EXTL3: variants seen among roughly 807,000 people sequenced by gnomAD.
EXTL3 encodes exostosin like glycosyltransferase 3, also known as exostosin-like 3.
EXTL3 carries 27 observed loss-of-function variants against 69.3 expected under a neutral mutation model. The observed-to-expected ratio is 0.39, with a 90% CI of 0.29 to 0.54. The LOEUF (loss-of-function observed/expected upper bound fraction) is 0.54, where lower values mean the gene tolerates loss of function less well. EXTL3 is among the 20% of genes least tolerant of loss of function. The probability of loss-of-function intolerance (pLI) is 0.69; values close to 1 mark genes in which losing one functional copy is unlikely to be tolerated. For missense variants in EXTL3, 1,003 were observed against 1,231.8 expected, an observed-to-expected ratio of 0.81 and a Z score of 2.78; for synonymous variants, 511 against 499.4, an observed-to-expected ratio of 1.02 and a Z score of -0.31.
At position 28,717,883 on chromosome 8, in the gene EXTL3, A is replaced by G; in HGVS notation, c.1824A>G (p.Pro608=). 6.2e-7 allele frequency: 1 copy of G among 1,614,118 alleles called. No homozygotes were observed. Among genetic ancestry groups the G allele is most frequent in the Non-Finnish European group, 8.5e-7 (1 of 1,179,952 alleles). The change falls in exon 3 of 7, where the codon CCA becomes CCG. Residue 608 remains proline (P), a synonymous_variant. Coordinates refer to ENST00000220562, the MANE Select transcript of EXTL3 (RefSeq NM_001440.4). The surrounding 1 kb of genome is among the most constrained non-coding windows in gnomAD (Gnocchi z 8.3). ...TDFYRSWNCA[P]GPFHLFPHTP... ...TTTACCGCAGCTGGAACTGTGCTCC[A>G]GGGCCTTTCCATCTTTTCCCCCACA... is the stretch of plus-strand genomic sequence containing the variant.
At chr8:28,692,584 T>C (rs1800631121) in intron 1 of EXTL3, among the ~76,000 whole-genome samples, 1 of 152,246 alleles carries the variant, frequency 6.6e-6, no homozygotes, top group Admixed American at 6.5e-5. Context: ...TATCAAGTTA[T>C]ATATATTTAA....
At chr8:28,756,374 G>A (rs533933112), downstream of EXTL3, among the ~76,000 whole-genome samples, 31 of 152,150 alleles carry the variant, frequency 2.0e-4, no homozygotes, top group East Asian at 5.6e-3. Flanking sequence ...GTGTGTGTCC[G>A]TCTTCTACAC....
intron 1 of EXTL3, among the ~76,000 whole-genome samples, chr8:28,642,551 G>A (rs569949147): frequency 1.2e-3 from 187 of 151,960 alleles, no homozygotes; most frequent in African/African-American, 4.3e-3. Flanking sequence ...CCAGGAGTTC[G>A]AGGCTGCAGT....
At chr8:28,698,908 A>G (rs1800727142), upstream of EXTL3, among the ~76,000 whole-genome samples, 1 of 152,216 alleles carries the variant, frequency 6.6e-6, no homozygotes, top group Non-Finnish European at 1.5e-5. Flanking sequence ...GCAGGAGATC[A>G]CTTGAACCCG....
intron 1 of EXTL3, among the ~76,000 whole-genome samples, chr8:28,677,654 C>T (rs1328152638): frequency 6.6e-6 from 1 of 152,198 alleles, no homozygotes; most frequent in African/African-American, 2.4e-5. Flanking sequence ...TCGCTCTCCT[C>T]TGTTCACTAA....
Position 28,717,848 on chromosome 8 carries a change from G to A in EXTL3, c.1789G>A (p.Val597Ile), listed in dbSNP as rs1801198983. The change falls in exon 3 of 7, where the codon GTC (valine) becomes ATC (isoleucine). Residue 597 changes from valine (V) to isoleucine (I), a missense_variant. Coordinates refer to ENST00000220562, the MANE Select transcript of EXTL3 (RefSeq NM_001440.4). This position sits in a 1 kb window ranked among gnomAD's most constrained non-coding sequence, Gnocchi z 8.3. ...ATACCTCCGCAATTTCACTCTGACT[G>A]TCACTGACTTTTACCGCAGCTGGAA... ...PRYLRNFTLT[V>I]TDFYRSWNCA... 4 of 1,612,650 alleles carry A rather than the reference G, an allele frequency of 2.5e-6. No individual in the cohort carries two copies. The highest frequency in any genetic ancestry group is 3.4e-6 in the Non-Finnish European group (4 of 1,178,716).
At chr8:28,641,440 T>G (rs971967485) in intron 1 of EXTL3, among the ~76,000 whole-genome samples, 1 of 152,174 alleles carries the variant, frequency 6.6e-6, no homozygotes, top group African/African-American at 2.4e-5. Flanking sequence ...TATTTTAGAA[T>G]TGGGTATGGA....
chr8:28,678,492 ACCCCTCT>A (rs1807425298), intron 1 of EXTL3, among the ~76,000 whole-genome samples: 1 of 151,568 alleles, frequency 6.6e-6, no homozygotes, highest in African/African-American at 2.4e-5. Flanking sequence ...AGAGCCTGGC[ACCCCTCT>A]CCCCTCTCTC....
In EXTL3 at chr8:28,668,259, C is replaced by CAAAAA. The variant is rs71549685; in HGVS notation, c.-52-45186_-52-45182dup. On this transcript the variant is annotated intron_variant, in intron 1 of 6. Coordinates refer to the EXTL3 transcript ENST00000523149. ...TCCAACAAAATATGAGGTCCTGTCT[C>CAAAAA]AAAAAAAAAAAAAAAAGAAAAGAAA... 4.8e-4 allele frequency among the ~76,000 whole-genome samples: 31 copies of CAAAAA among 64,274 alleles called. 1 individual carries two copies. Among genetic ancestry groups the CAAAAA allele is most frequent in the African/African-American group, 1.3e-3 (29 of 21,860 alleles). The allele number at this position is 64,274 out of a possible 152,430, so 42.2% of individuals were successfully genotyped here. A position where few individuals can be genotyped will look rare whatever the true frequency, so the allele number is the denominator to read the frequency against.
intron 1 of EXTL3, among the ~76,000 whole-genome samples, chr8:28,659,702 G>A (rs961325665): frequency 2.6e-5 from 4 of 152,118 alleles, no homozygotes; most frequent in African/African-American, 9.7e-5. Flanking sequence ...TCCTCAATTT[G>A]TGCCAGTGCC....
intron 1 of EXTL3, among the ~76,000 whole-genome samples, chr8:28,636,019 C>T (rs1021833476): frequency 1.4e-4 from 22 of 152,014 alleles, no homozygotes; most frequent in African/African-American, 4.8e-4. Flanking sequence ...TGCCCCCGGC[C>T]GAGGATAGAA....
chr8:28,667,372 AG>A (rs1184973119), intron 1 of EXTL3, among the ~76,000 whole-genome samples: 5 of 152,184 alleles, frequency 3.3e-5, no homozygotes, highest in Admixed American at 6.6e-5. Context: ...GAGCATTCAG[AG>A]GAGCCTGACT....
chr8:28,657,146 T>A (rs1158774849), intron 1 of EXTL3, among the ~76,000 whole-genome samples: 2 of 152,162 alleles, frequency 1.3e-5, no homozygotes, highest in Non-Finnish European at 2.9e-5. Flanking sequence ...TTTCGCCATG[T>A]TGGCCAGGCT....
At chr8:28,618,404 A>G (rs754173926), upstream of EXTL3, among the ~76,000 whole-genome samples, 1 of 152,128 alleles carries the variant, frequency 6.6e-6, no homozygotes, top group Non-Finnish European at 1.5e-5. Context: ...AAAGAGACAA[A>G]ATTCAGAGGG....
Position 28,737,535 on chromosome 8 carries a change from C to T in EXTL3, c.2293C>T (p.Arg765Trp), listed in dbSNP as rs1801677353. 5 of 1,613,868 alleles carry T rather than the reference C, an allele frequency of 3.1e-6. No homozygotes were observed. The highest frequency in any genetic ancestry group is 1.3e-5 in the African/African-American group (1 of 74,924). Residue 765 changes from arginine (R) to tryptophan (W), a missense_variant, in exon 5 of 7, where the codon CGG (arginine) becomes TGG (tryptophan). Arg to Trp is a moderately radical substitution (Grantham distance 101, BLOSUM62 -3). Around this residue, in one of 2 missense-constraint regions of EXTL3, gnomAD observed 261 missense variants for 416.4 expected, o/e 0.63. Transcript: ENST00000220562. ...TTTTTCAAGGGTGTGGAGAGAAGCT[C>T]GGGACCGCATCGTGGGCTTCCCTGG... ...MFGFRVWREA[R>W]DRIVGFPGRY... is the part of the protein sequence containing the mutation.
chr8:28,644,160 CT>C (rs969193909), intron 1 of EXTL3, among the ~76,000 whole-genome samples: 1 of 151,406 alleles, frequency 6.6e-6, no homozygotes, highest in Non-Finnish European at 1.5e-5. Flanking sequence ...ACTTATGAGC[CT>C]TTTTTTTGCT....
chr8:28,710,700 A>G (rs1474148480), intron 1 of EXTL3, among the ~76,000 whole-genome samples: 1 of 142,942 alleles, frequency 7.0e-6, no homozygotes, highest in African/African-American at 2.6e-5. Flanking sequence ...AGCTGGGACC[A>G]TGCCTGGCTA....
In EXTL3 at chr8:28,717,782, C is replaced by G. The variant is rs766439584; in HGVS notation, c.1723C>G (p.Leu575Val). The G allele has an allele frequency of 6.2e-7, 1 of 1,613,766 alleles. No homozygotes were observed. Among genetic ancestry groups the G allele is most frequent in the Admixed American group, 1.7e-5 (1 of 60,000 alleles). ...PNMADNGDLD[L>V]GPVETEPPYA... ...CATGGCTGACAACGGGGACCTGGAC[C>G]TGGGGCCAGTGGAGACGGAGCCGCC... The change falls in exon 3 of 7, where the codon CTG becomes GTG. Residue 575 changes from leucine to valine, a missense_variant. Coordinates refer to ENST00000220562, the MANE Select transcript of EXTL3 (RefSeq NM_001440.4). This position sits in a 1 kb window ranked among gnomAD's most constrained non-coding sequence, Gnocchi z 8.3.
intron 1 of EXTL3, among the ~76,000 whole-genome samples, chr8:28,651,948 C>G (rs186205040): frequency 1.9e-4 from 29 of 152,264 alleles, no homozygotes; most frequent in African/African-American, 6.7e-4. Context: ...TAGCCTCTTT[C>G]ATTTAGCATG....
Sources: allele counts gnomAD v4.1 joint callset (sites outside exome capture counted in the v4.1 genomes callset), GRCh38; gene constraint gnomAD v4.1.1; regional missense constraint gnomAD v4.1.1; non-coding constraint Gnocchi (gnomAD v3.1); transcripts MANE v1.5; gene names NCBI Gene and HGNC (gene_info 2026-07-23, HGNC 2026-07-21).